The following REV3L variants were observed in gnomAD, a reference collection of about 807,000 sequenced individuals.
REV3L encodes REV3 like, DNA directed polymerase zeta catalytic subunit.
A neutral mutation model predicts 299.4 loss-of-function variants in REV3L; 69 were observed. The ratio of observed to expected loss-of-function variants is 0.23; its 90% CI spans 0.19 to 0.28. The LOEUF is 0.28. Among genes scored for constraint, REV3L ranks in the 10% least tolerant of loss-of-function variants. REV3L has a pLI of 1.00. For synonymous variants in REV3L, 1,238 were observed against 1,271.4 expected (o/e 0.97, Z 0.56); for missense variants, 3,128 against 3,693.8 (o/e 0.85, Z 3.97).
chr6:111,445,203 G>T (rs928266038), intron 1 of REV3L, among the ~76,000 whole-genome samples: 1 of 152,140 alleles, frequency 6.6e-6, no homozygotes, highest in Admixed American at 6.6e-5. Context: ...AATGCAGGTG[G>T]CAACAATAGA....
chr6:111,395,472 A>T (rs1782393439), intron 4 of REV3L, among the ~76,000 whole-genome samples: 1 of 152,236 alleles, frequency 6.6e-6, no homozygotes. Context: ...TAGCCTTAAT[A>T]AATGGGATTG....
At chr6:111,304,582 C>T (rs913737940) in intron 31 of REV3L, among the ~76,000 whole-genome samples, 1 of 151,720 alleles carries the variant, frequency 6.6e-6, no homozygotes, top group Non-Finnish European at 1.5e-5. Context: ...AGATGACAAA[C>T]CATCATTATT....
chr6:111,333,906 G>C (rs557252305), intron 22 of REV3L, among the ~76,000 whole-genome samples: 1 of 152,194 alleles, frequency 6.6e-6, no homozygotes, highest in East Asian at 1.9e-4. Flanking sequence ...AATTTTAAAA[G>C]ACAGATGCAA....
At chr6:111,482,374 C>T (rs933000241) in intron 1 of REV3L, among the ~76,000 whole-genome samples, 10 of 152,166 alleles carry the variant, frequency 6.6e-5, no homozygotes, top group Non-Finnish European at 5.9e-5. Context: ...CAGAGCAGGC[C>T]CTACGAACCC....
At chr6:111,357,330 T>C (rs1778193749) in intron 17 of REV3L, among the ~76,000 whole-genome samples, 1 of 152,214 alleles carries the variant, frequency 6.6e-6, no homozygotes, top group Non-Finnish European at 1.5e-5. Flanking sequence ...AATATACAAC[T>C]GAAAATTCAA....
chr6:111,476,626 T>G (rs556525285), intron 1 of REV3L, among the ~76,000 whole-genome samples: 1 of 152,310 alleles, frequency 6.6e-6, no homozygotes, highest in Non-Finnish European at 1.5e-5. Flanking sequence ...TTAAGTTAAT[T>G]CTAGTCTTTA....
At chr6:111,404,447 G>A (rs1009386287) in intron 4 of REV3L, among the ~76,000 whole-genome samples, 5 of 152,204 alleles carry the variant, frequency 3.3e-5, no homozygotes, top group Non-Finnish European at 5.9e-5. Context: ...CCGTTCTGCA[G>A]CCCATGGGTC....
intron 1 of REV3L, among the ~76,000 whole-genome samples, chr6:111,422,206 T>C (rs1785435658): frequency 6.6e-6 from 1 of 152,184 alleles, no homozygotes; most frequent in Admixed American, 6.5e-5. Flanking sequence ...AATTATGTTA[T>C]ATCTGTATAA....
intron 1 of REV3L, among the ~76,000 whole-genome samples, chr6:111,419,150 C>G (rs1785060040): frequency 6.6e-6 from 1 of 152,222 alleles, no homozygotes; most frequent in Non-Finnish European, 1.5e-5. Context: ...GTACCTCTCT[C>G]TCCAGTGCTC....
intron 1 of REV3L, among the ~76,000 whole-genome samples, chr6:111,467,753 T>C (rs1050284717): frequency 1.3e-5 from 2 of 152,202 alleles, no homozygotes; most frequent in Non-Finnish European, 2.9e-5. Flanking sequence ...TACACCATTT[T>C]ATATAAGTGA....
chr6:111,301,014 C>G (rs149595590), intron 31 of REV3L, among the ~76,000 whole-genome samples: 1 of 152,174 alleles, frequency 6.6e-6, no homozygotes, highest in Non-Finnish European at 1.5e-5. Context: ...GGAGAAATAT[C>G]GCTGAATTCT....
intron 1 of REV3L, among the ~76,000 whole-genome samples, chr6:111,441,260 T>C (rs918677478): frequency 1.3e-5 from 2 of 151,620 alleles, no homozygotes; most frequent in African/African-American, 2.4e-5. Flanking sequence ...GTTGTCGTCA[T>C]TGTTGTTTTT....
intron 11 of REV3L, among the ~76,000 whole-genome samples, chr6:111,378,716 A>G (rs1287852083): frequency 6.6e-6 from 1 of 152,154 alleles, no homozygotes; most frequent in Non-Finnish European, 1.5e-5. Flanking sequence ...ACTTCCATAC[A>G]TGATTCCTAT....
chr6:111,444,114 C>T (rs1464073679), intron 1 of REV3L, among the ~76,000 whole-genome samples: 2 of 152,146 alleles, frequency 1.3e-5, no homozygotes, highest in African/African-American at 4.8e-5. Flanking sequence ...TGTAGACAGG[C>T]CTTCAAACAT....
intron 1 of REV3L, among the ~76,000 whole-genome samples, chr6:111,467,220 C>G (rs2128333155): frequency 6.6e-6 from 1 of 152,282 alleles, no homozygotes; most frequent in South Asian, 2.1e-4. Flanking sequence ...TTTTCTAATA[C>G]CTTTTTATAC....
intron 1 of REV3L, among the ~76,000 whole-genome samples, chr6:111,425,862 A>G (rs1365752073): frequency 6.6e-6 from 1 of 152,212 alleles, no homozygotes; most frequent in Non-Finnish European, 1.5e-5. Flanking sequence ...ATAAAAAAAG[A>G]ACCAAATAGA....
At chr6:111,405,108 T>TAA (rs879801110) in intron 4 of REV3L, among the ~76,000 whole-genome samples, 1 of 144,466 alleles carries the variant, frequency 6.9e-6, no homozygotes, top group African/African-American at 2.5e-5. Flanking sequence ...GGTCTGAGGT[T>TAA]AAAAAAAAAA....
intron 22 of REV3L, among the ~76,000 whole-genome samples, chr6:111,333,578 G>GA (rs571301359): frequency 2.0e-5 from 3 of 151,808 alleles, no homozygotes; most frequent in Non-Finnish European, 4.4e-5. Context: ...AGGTTCAAGC[G>GA]ATTCTCCTAC....
chr6:111,440,220 C>T (rs1788097061), intron 1 of REV3L, among the ~76,000 whole-genome samples: 2 of 152,130 alleles, frequency 1.3e-5, no homozygotes, highest in South Asian at 4.1e-4. Context: ...CAGGCATGCG[C>T]CACCATGCCC....
Sources: gnomAD v4.1 joint callset for allele counts (sites outside exome capture counted in the v4.1 genomes callset) on GRCh38, gnomAD v4.1.1 for gene constraint, MANE v1.5 for transcripts, NCBI Gene and HGNC (gene_info 2026-07-23, HGNC 2026-07-21) for gene names.